The following SREK1IP1 variants were observed in gnomAD, a reference collection of about 807,000 sequenced individuals.
SREK1IP1 encodes protein SREK1IP1.
A neutral mutation model predicts 22.8 loss-of-function variants in SREK1IP1; 12 were observed. The observed-to-expected ratio is 0.53, with a 90% CI of 0.34 to 0.85. The LOEUF (loss-of-function observed/expected upper bound fraction) is 0.85, where lower values mean the gene tolerates loss of function less well. Ranked by LOEUF, SREK1IP1 falls within the 40% of genes least tolerant of loss-of-function variation. SREK1IP1 has a pLI of 0.02. For synonymous variants in SREK1IP1, 53 were observed against 52.7 expected (o/e 1.01, Z -0.02); for missense variants, 147 against 171.8 (o/e 0.86, Z 0.81).
chr5:64,768,593 G>A lies in SREK1IP1; in HGVS notation c.-76C>T. The A allele has an allele frequency of 1.2e-6, 2 of 1,608,616 alleles. No homozygotes were observed. The highest frequency in any genetic ancestry group is 1.7e-6 in the Non-Finnish European group (2 of 1,176,052). On this transcript the variant is annotated 5_prime_UTR_variant, in exon 1 of 5. Coordinates refer to ENST00000513458, the MANE Select transcript of SREK1IP1 (RefSeq NM_173829.4). ...GCTTCCCGCCAGCTGTGAGAACAAG[G>A]CACAGTCAAAGCGGCGTTTTCCTTC...
intron 1 of SREK1IP1, among the ~76,000 whole-genome samples, chr5:64,760,379 C>T (rs550120908): frequency 6.6e-6 from 1 of 152,292 alleles, no homozygotes; most frequent in Admixed American, 6.5e-5. Flanking sequence ...CAATAACATA[C>T]AGATAAGACA....
chr5:64,749,760 T>G (rs1029034397), intron 2 of SREK1IP1, among the ~76,000 whole-genome samples: 2 of 152,054 alleles, frequency 1.3e-5, no homozygotes, highest in African/African-American at 4.8e-5. Flanking sequence ...GGAAGTCTTA[T>G]CCTCATATTT....
At chr5:64,761,561 AAC>A (rs1295686851) in intron 1 of SREK1IP1, among the ~76,000 whole-genome samples, 2 of 152,238 alleles carry the variant, frequency 1.3e-5, no homozygotes, top group Non-Finnish European at 2.9e-5. Context: ...AAGCAGTTGT[AAC>A]ACAATGGTGA....
intron 2 of SREK1IP1, among the ~76,000 whole-genome samples, chr5:64,745,133 T>C (rs978061697): frequency 1.3e-5 from 2 of 152,226 alleles, no homozygotes; most frequent in Non-Finnish European, 2.9e-5. Flanking sequence ...GAGCTCATTT[T>C]CTTGTCTAGC....
At chr5:64,745,649 T>C (rs1742621364) in intron 2 of SREK1IP1, among the ~76,000 whole-genome samples, 1 of 151,436 alleles carries the variant, frequency 6.6e-6, no homozygotes, top group Admixed American at 6.6e-5. Flanking sequence ...TGTACCCAAA[T>C]ACCTCTCATC....
intron 2 of SREK1IP1, among the ~76,000 whole-genome samples, chr5:64,750,066 C>T (rs761345283): frequency 6.6e-6 from 1 of 152,130 alleles, no homozygotes; most frequent in Non-Finnish European, 1.5e-5. Flanking sequence ...GTGGCTCATA[C>T]TCTAACTCTT....
chr5:64,720,818 C>T lies in SREK1IP1; in HGVS notation c.*3566G>A, dbSNP rs540577314. On this transcript the variant is annotated 3_prime_UTR_variant, in exon 5 of 5. Coordinates refer to ENST00000513458, the MANE Select transcript of SREK1IP1 (RefSeq NM_173829.4). ...CCACTGTGCCCGGCCCCCCTTGAAA[C>T]TCTTTAATGGTGTCTCATTGCTTAC... The T allele has an allele frequency of 7.7e-4, 118 of 152,450 alleles. No individual in the cohort carries two copies. The highest frequency in any genetic ancestry group is 1.4e-3 in the Non-Finnish European group (93 of 68,158). The allele number at this position is 152,450 out of a possible 1,614,324, so 9.4% of individuals were successfully genotyped here. A position where few individuals can be genotyped will look rare whatever the true frequency, so the allele number is the denominator to read the frequency against.
intron 3 of SREK1IP1, among the ~76,000 whole-genome samples, chr5:64,739,934 G>A (rs991573477): frequency 7.2e-5 from 11 of 151,948 alleles, no homozygotes; most frequent in Admixed American, 3.3e-4. Flanking sequence ...AATGTTCATC[G>A]ACAATCTAAA....
chr5:64,759,414 A>T (rs1742907339), intron 1 of SREK1IP1, among the ~76,000 whole-genome samples: 1 of 152,066 alleles, frequency 6.6e-6, no homozygotes, highest in African/African-American at 2.4e-5. Flanking sequence ...TTCCTTTTTG[A>T]AGTTTGCTAA....
chr5:64,745,743 T>C (rs56767778), intron 2 of SREK1IP1, among the ~76,000 whole-genome samples: 7,104 of 152,216 alleles, frequency 0.047, 474 homozygotes, highest in African/African-American at 0.14. Context: ...ACATCCATTT[T>C]AGCTTTGCTT....
chr5:64,760,160 C>T lies in SREK1IP1; in HGVS notation c.14-5798G>A, dbSNP rs140543686. 2.4e-3 allele frequency among the ~76,000 whole-genome samples: 364 copies of T among 152,138 alleles called. 1 individual carries two copies. Among genetic ancestry groups the T allele is most frequent in the African/African-American group, 7.5e-3 (312 of 41,488 alleles). On this transcript the variant is annotated intron_variant, in intron 1 of 4. Transcript: ENST00000513458. Reference sequence around the variant, plus strand: ...GGTTTTTATTTAATGATGTCATGATCGCTAAGATATACTGTAAAAAGAAAA... The same window carrying T: ...GGTTTTTATTTAATGATGTCATGATTGCTAAGATATACTGTAAAAAGAAAA...
intron 3 of SREK1IP1, among the ~76,000 whole-genome samples, chr5:64,739,601 T>G (rs1211915180): frequency 6.6e-6 from 1 of 152,194 alleles, no homozygotes; most frequent in Non-Finnish European, 1.5e-5. Flanking sequence ...ATCACTCTTC[T>G]GCTTTTCAGT....
At position 64,723,583 on chromosome 5, in the gene SREK1IP1, C is replaced by T. The variant is rs989382288; in HGVS notation, c.*801G>A. Reference sequence around the variant, plus strand: ...GTTTGAGGTATCACTGTAAGACATGCCAATATGGCACATTTGTAAAACAAC... The same window carrying T: ...GTTTGAGGTATCACTGTAAGACATGTCAATATGGCACATTTGTAAAACAAC... On this transcript the variant is annotated 3_prime_UTR_variant, in exon 5 of 5. Transcript: ENST00000513458. The T allele has an allele frequency of 6.6e-6, 1 of 152,554 alleles. No homozygotes were observed. The highest frequency in any genetic ancestry group is 1.5e-5 in the Non-Finnish European group (1 of 68,014). 9.5% of individuals were successfully genotyped at this position (152,554 alleles called of 1,614,324 possible). A position where few individuals can be genotyped will look rare whatever the true frequency, so the allele number is the denominator to read the frequency against.
chr5:64,742,246 T>TC (rs528024732), intron 2 of SREK1IP1, among the ~76,000 whole-genome samples: 50 of 152,196 alleles, frequency 3.3e-4, no homozygotes, highest in Admixed American at 7.2e-4. Context: ...GTAGGTTGCT[T>TC]CCAGTAGTTT....
At chr5:64,760,236 AAAG>A (rs765747992) in intron 1 of SREK1IP1, among the ~76,000 whole-genome samples, 3 of 152,270 alleles carry the variant, frequency 2.0e-5, no homozygotes, top group East Asian at 1.9e-4. Context: ...CGTATAAAAA[AAAG>A]AAGATGATAG....
At chr5:64,738,973 G>GA (rs1487254286) in intron 3 of SREK1IP1, among the ~76,000 whole-genome samples, 17 of 152,134 alleles carry the variant, frequency 1.1e-4, no homozygotes, top group African/African-American at 4.1e-4. Context: ...GACTGCTTTA[G>GA]AGAAGTGGAA....
At chr5:64,726,193 A>G (rs1363961764) in intron 4 of SREK1IP1, among the ~76,000 whole-genome samples, 1 of 151,830 alleles carries the variant, frequency 6.6e-6, no homozygotes, top group Non-Finnish European at 1.5e-5. Flanking sequence ...TTTAAGGCAA[A>G]ATTTCAGGCT....
intron 1 of SREK1IP1, among the ~76,000 whole-genome samples, chr5:64,762,688 A>T (rs1183214163): frequency 6.6e-6 from 1 of 152,234 alleles, no homozygotes; most frequent in Non-Finnish European, 1.5e-5. Context: ...AAGATAATTT[A>T]AAAAATAGGC....
chr5:64,760,001 A>G (rs1442674556), intron 1 of SREK1IP1, among the ~76,000 whole-genome samples: 1 of 152,222 alleles, frequency 6.6e-6, no homozygotes, highest in East Asian at 1.9e-4. Context: ...CTCCCAATTT[A>G]TGTGCACAAA....
Sources: allele counts gnomAD v4.1 joint callset (sites outside exome capture counted in the v4.1 genomes callset), GRCh38; gene constraint gnomAD v4.1.1; transcripts MANE v1.5; gene names NCBI Gene and HGNC (gene_info 2026-07-23, HGNC 2026-07-21).